Variants in ARK2N observed in about 807,000 individuals in gnomAD.
The protein encoded by ARK2N is protein ARK2N.
the ARK2N span, among the ~76,000 whole-genome samples, chr18:46,211,235 G>A: frequency 6.6e-6 from 1 of 152,060 alleles, no homozygotes; most frequent in Admixed American, 6.5e-5. Context: ...TTGAGACAGG[G>A]TCTTGCTCTG....
the ARK2N span, among the ~76,000 whole-genome samples, chr18:46,182,530 GC>G: frequency 6.6e-6 from 1 of 152,064 alleles, no homozygotes; most frequent in Admixed American, 6.6e-5. Context: ...GGTAGCTTGA[GC>G]CCAGGAGTTT....
At chr18:46,217,037 T>C in the ARK2N span, 333 of 154,654 alleles carry the variant, frequency 2.2e-3, no homozygotes, top group Non-Finnish European at 3.9e-3. Context: ...TTCTATCTTT[T>C]GTTAAAGTTT....
At chr18:46,251,912 C>T in the ARK2N span, among the ~76,000 whole-genome samples, 1 of 152,110 alleles carries the variant, frequency 6.6e-6, no homozygotes, top group Non-Finnish European at 1.5e-5. Flanking sequence ...CAGGATTTGG[C>T]CAGGTGCGGT....
At chr18:46,237,654 C>T in the ARK2N span, among the ~76,000 whole-genome samples, 1 of 152,238 alleles carries the variant, frequency 6.6e-6, no homozygotes, top group Non-Finnish European at 1.5e-5. Flanking sequence ...CTCTTAAGTA[C>T]TTGGATTACA....
chr18:46,241,847 G>T, the ARK2N span, among the ~76,000 whole-genome samples: 1 of 151,874 alleles, frequency 6.6e-6, no homozygotes, highest in South Asian at 2.1e-4. Flanking sequence ...ATGGAGTTTC[G>T]CTCTTGTTGC....
chr18:46,245,727 A>G, the ARK2N span, among the ~76,000 whole-genome samples: 54 of 152,114 alleles, frequency 3.5e-4, no homozygotes, highest in African/African-American at 1.2e-3. Context: ...GTGTGTTGCA[A>G]AGCTCAGGCC....
At chr18:46,181,466 A>G in the ARK2N span, among the ~76,000 whole-genome samples, 4 of 136,548 alleles carry the variant, frequency 2.9e-5, no homozygotes, top group Non-Finnish European at 6.0e-5. Context: ...CTGTAATCCC[A>G]GCACTTTGGG....
At chr18:46,244,039 C>T in the ARK2N span, among the ~76,000 whole-genome samples, 2 of 152,108 alleles carry the variant, frequency 1.3e-5, no homozygotes, top group Admixed American at 1.3e-4. Context: ...GTAGAAATTA[C>T]CCAGTGTGTT....
chr18:46,206,352 C>T, the ARK2N span, among the ~76,000 whole-genome samples: 1 of 152,060 alleles, frequency 6.6e-6, no homozygotes, highest in African/African-American at 2.4e-5. Context: ...TCCCAAAGTG[C>T]CGGGATTATA....
chr18:46,231,736 CTT>C, the ARK2N span: 4 of 140,866 alleles, frequency 2.8e-5, no homozygotes, highest in Non-Finnish European at 4.7e-5. Context: ...ATTTTTCTTT[CTT>C]TTTTTTTTTG....
At chr18:46,196,364 C>G in the ARK2N span, among the ~76,000 whole-genome samples, 1 of 148,712 alleles carries the variant, frequency 6.7e-6, no homozygotes, top group Admixed American at 6.6e-5. Flanking sequence ...CGGGTTCATT[C>G]CATTCTCCTG....
At chr18:46,253,088 C>T in the ARK2N span, among the ~76,000 whole-genome samples, 1 of 152,314 alleles carries the variant, frequency 6.6e-6, no homozygotes, top group South Asian at 2.1e-4. Context: ...TTACCTCCAG[C>T]CTTCCTTTTT....
the ARK2N span, among the ~76,000 whole-genome samples, chr18:46,240,596 G>A: frequency 6.6e-6 from 1 of 152,192 alleles, no homozygotes; most frequent in South Asian, 2.1e-4. Flanking sequence ...GGGGCTGGCT[G>A]TTCATACACA....
the ARK2N span, among the ~76,000 whole-genome samples, chr18:46,235,471 C>T: frequency 6.6e-6 from 1 of 152,186 alleles, no homozygotes. Flanking sequence ...AAAGGTAGGG[C>T]AGTGGACCAA....
chr18:46,177,431 C>CTTTTTTTTTTTTTTTTTTTTTTTG, the ARK2N span, among the ~76,000 whole-genome samples: 1 of 89,328 alleles, frequency 1.1e-5, no homozygotes, highest in Non-Finnish European at 2.3e-5. Context: ...TTTTTCTTTA[C>CTTTTTTTTTTTTTTTTTTTTTTTG]TTTTTTTTTT....
chr18:46,251,149 T>A, the ARK2N span, among the ~76,000 whole-genome samples: 1 of 152,208 alleles, frequency 6.6e-6, no homozygotes, highest in Admixed American at 6.5e-5. Flanking sequence ...GTTTGAATTA[T>A]TGAATATGGA....
chr18:46,188,494 A>G, the ARK2N span, among the ~76,000 whole-genome samples: 10 of 151,818 alleles, frequency 6.6e-5, no homozygotes, highest in Non-Finnish European at 1.3e-4. Flanking sequence ...GAGCCGCGAC[A>G]TGTGGCGGCC....
At chr18:46,222,920 G>C in the ARK2N span, among the ~76,000 whole-genome samples, 1 of 152,130 alleles carries the variant, frequency 6.6e-6, no homozygotes, top group Admixed American at 6.6e-5. Flanking sequence ...CACTCTTGGT[G>C]TTGTAAGTTC....
the ARK2N span, among the ~76,000 whole-genome samples, chr18:46,188,900 C>T: frequency 3.3e-5 from 5 of 151,988 alleles, no homozygotes; most frequent in South Asian, 1.0e-3. Context: ...TTGAGTGACA[C>T]ATATCTGGGC....
Sources: allele counts gnomAD v4.1 joint callset (sites outside exome capture counted in the v4.1 genomes callset), GRCh38; gene constraint gnomAD v4.1.1; transcripts MANE v1.5; gene names NCBI Gene and HGNC (gene_info 2026-07-23, HGNC 2026-07-21).